The following NUP153 variants were observed in gnomAD, a reference collection of about 807,000 sequenced individuals.
NUP153 encodes the protein nuclear pore complex protein Nup153.
Under a neutral mutation model 134.6 loss-of-function variants are expected in NUP153, and 27 were observed. The observed-to-expected ratio is 0.20, with a 90% CI of 0.15 to 0.28. The LOEUF is 0.28. Among genes scored for constraint, NUP153 ranks in the 10% least tolerant of loss-of-function variants. The pLI is 1.00. For missense variants in NUP153, 1,821 were observed against 1,731.3 expected (o/e 1.05, Z -0.92); for synonymous variants, 640 against 623.5 (o/e 1.03, Z -0.40).
At chr6:17,670,997 G>T (rs2113829055) in intron 5 of NUP153, among the ~76,000 whole-genome samples, 1 of 152,086 alleles carries the variant, frequency 6.6e-6, no homozygotes, top group South Asian at 2.1e-4. Flanking sequence ...TTTTAGTAGA[G>T]ATAGGGTTTC....
intron 14 of NUP153, among the ~76,000 whole-genome samples, chr6:17,641,841 G>GCC (rs1765858801): frequency 1.9e-4 from 1 of 5,214 alleles, no homozygotes; most frequent in Non-Finnish European, 4.0e-3. Flanking sequence ...GACAGAGCGA[G>GCC]ACTGTCTCAG....
At position 17,675,834 on chromosome 6, in the gene NUP153, TTTTAC is replaced by T; in HGVS notation, c.335-69_335-65del. On this transcript the variant is annotated intron_variant, in intron 2 of 21. Coordinates refer to ENST00000262077, the MANE Select transcript of NUP153 (RefSeq NM_005124.4). This position sits in a 1 kb window ranked among gnomAD's most constrained non-coding sequence, Gnocchi z 4.4. ...AGAGCGATACACTACCACAAATGGTTTTTACTTTAAGAAAACACATTACAGTATAT... is the reference window on the plus strand; with the variant it reads ...AGAGCGATACACTACCACAAATGGTTTTTAAGAAAACACATTACAGTATAT... 6.6e-7 allele frequency: 1 copy of T among 1,512,462 alleles called. No homozygotes were observed. Among genetic ancestry groups the T allele is most frequent in the African/African-American group, 1.4e-5 (1 of 72,724 alleles). The allele number at this position is 1,512,462 out of a possible 1,614,324, so 93.7% of individuals were successfully genotyped here.
chr6:17,705,781 G>GT (rs1199762959), intron 1 of NUP153, among the ~76,000 whole-genome samples: 3 of 152,068 alleles, frequency 2.0e-5, no homozygotes, highest in Non-Finnish European at 4.4e-5. Flanking sequence ...CACTTTCCAT[G>GT]TAACAGCGCC....
intron 14 of NUP153, among the ~76,000 whole-genome samples, chr6:17,642,593 T>G (rs1048100369): frequency 3.3e-5 from 5 of 152,246 alleles, no homozygotes; most frequent in Admixed American, 6.5e-5. Context: ...AATGGTAATG[T>G]GACATGGTTC....
intron 11 of NUP153, among the ~76,000 whole-genome samples, chr6:17,661,318 AAAG>A (rs1337777915): frequency 7.9e-5 from 12 of 152,356 alleles, no homozygotes; most frequent in South Asian, 2.1e-4. Context: ...TATCTTAAAA[AAAG>A]AAGAATACGT....
chr6:17,642,410 G>A (rs1035202748), intron 14 of NUP153, among the ~76,000 whole-genome samples: 3 of 152,076 alleles, frequency 2.0e-5, no homozygotes, highest in Non-Finnish European at 2.9e-5. Flanking sequence ...GGACGTGAAA[G>A]GCATTCCTCC....
chr6:17,622,449 G>C (rs1327022269), intron 20 of NUP153, among the ~76,000 whole-genome samples: 1 of 152,112 alleles, frequency 6.6e-6, no homozygotes, highest in Non-Finnish European at 1.5e-5. Flanking sequence ...TGTGCGGCAA[G>C]GTGAGACCCT....
chr6:17,633,033 CCT>C (rs1484469728), intron 16 of NUP153, among the ~76,000 whole-genome samples, 189 bp from the exon 17 acceptor site: 3 of 152,138 alleles, frequency 2.0e-5, no homozygotes, highest in South Asian at 4.1e-4. Flanking sequence ...AAAGAATAGA[CCT>C]CTCTTTTAAC....
intron 20 of NUP153, 111 bp from the exon 21 acceptor site, chr6:17,616,806 G>C: frequency 9.7e-7 from 1 of 1,028,074 alleles, no homozygotes; most frequent in East Asian, 2.5e-5. Flanking sequence ...CTGGAGTACA[G>C]TGGCACAATC....
In NUP153 at chr6:17,625,102, A is replaced by G. The variant is rs1416189560; in HGVS notation, c.3902-269T>C. Among the ~76,000 whole-genome samples, 4 of 152,224 alleles carry G rather than the reference A, an allele frequency of 2.6e-5. No homozygotes were observed. The highest frequency in any genetic ancestry group is 4.4e-5 in the Non-Finnish European group (3 of 68,028). On this transcript the variant is annotated intron_variant, in intron 19 of 21. Transcript: ENST00000262077. This position sits in a 1 kb window ranked among gnomAD's most constrained non-coding sequence, Gnocchi z 4.7. Reference sequence around the variant, plus strand: ...AGCCGACAATTTCTGGTAAAGGAACATATCTCAGAATAATCTCCCACCAGA... The same window carrying G: ...AGCCGACAATTTCTGGTAAAGGAACGTATCTCAGAATAATCTCCCACCAGA...
At chr6:17,703,253 T>C (rs1353822281) in intron 1 of NUP153, among the ~76,000 whole-genome samples, 3 of 150,260 alleles carry the variant, frequency 2.0e-5, no homozygotes, top group Admixed American at 1.3e-4. Context: ...AGTAGTAAAC[T>C]TACAGCATTT....
At chr6:17,632,867 G>C (rs1031766563) in intron 16 of NUP153, 23 bp from the exon 17 acceptor site, 5 of 1,197,306 alleles carry the variant, frequency 4.2e-6, no homozygotes, top group Non-Finnish European at 5.9e-6. Flanking sequence ...AAAAAAACGG[G>C]GAGTGGGGGG....
chr6:17,624,781 T>C lies in NUP153; in HGVS notation c.3954A>G (p.Ala1318=). The C allele has an allele frequency of 1.9e-6, 3 of 1,614,100 alleles. No individual in the cohort carries two copies. Among genetic ancestry groups the C allele is most frequent in the Non-Finnish European group, 2.5e-6 (3 of 1,179,980 alleles). The change falls in exon 20 of 22, where the codon GCA becomes GCG. Residue 1318 remains alanine (A), a synonymous_variant. Coordinates refer to ENST00000262077, the MANE Select transcript of NUP153 (RefSeq NM_005124.4). ...ATGTTGGGGTCTGGTTAGCACCAAA[T>C]GCTGGACTGGCAGATGGTGCTGAGG... ...TGPSAPSASP[A]FGANQTPTFG... is the part of the protein sequence containing the mutation.
chr6:17,678,968 T>G (rs540129547), intron 2 of NUP153, among the ~76,000 whole-genome samples: 3 of 146,892 alleles, frequency 2.0e-5, no homozygotes, highest in Non-Finnish European at 4.5e-5. Context: ...AAAAAATAAG[T>G]CTTAACAAAT....
chr6:17,682,362 G>A (rs1768638024), intron 2 of NUP153, among the ~76,000 whole-genome samples: 1 of 152,190 alleles, frequency 6.6e-6, no homozygotes, highest in Non-Finnish European at 1.5e-5. Flanking sequence ...GTGATGAGTA[G>A]TGAAGGCTGG....
chr6:17,657,188 C>T (rs1251102075), intron 11 of NUP153, among the ~76,000 whole-genome samples: 1 of 151,954 alleles, frequency 6.6e-6, no homozygotes, highest in Non-Finnish European at 1.5e-5. Flanking sequence ...TGTGACTTTG[C>T]TGTACTGAAC....
Position 17,632,850 on chromosome 6 carries a change from A to AAAAAAG in NUP153, c.2465-7_2465-6insCTTTTT. ...TGAAGCAGGTACTGAACTTCCTAAAAAAAAAAAAAAAAACGGGGAGTGGGG... is the reference window on the plus strand; with the variant it reads ...TGAAGCAGGTACTGAACTTCCTAAAAAAAAAGAAAAAAAAAAAAACGGGGAGTGGGG... On this transcript the variant is annotated splice_polypyrimidine_tract_variant and splice_region_variant and intron_variant, in intron 16 of 21. Transcript: ENST00000262077. The AAAAAAG allele has an allele frequency of 6.5e-7, 1 of 1,527,184 alleles. No homozygotes were observed. Among genetic ancestry groups the AAAAAAG allele is most frequent in the Non-Finnish European group, 8.7e-7 (1 of 1,143,480 alleles). 94.6% of individuals were successfully genotyped at this position (1,527,184 alleles called of 1,614,324 possible). A position where few individuals can be genotyped will look rare whatever the true frequency, so the allele number is the denominator to read the frequency against.
At chr6:17,658,344 T>C (rs1245788682) in intron 11 of NUP153, among the ~76,000 whole-genome samples, 1 of 152,192 alleles carries the variant, frequency 6.6e-6, no homozygotes, top group African/African-American at 2.4e-5. Context: ...TGCAGTGAGC[T>C]GAGATCATGC....
At chr6:17,673,880 T>C (rs936959035) in intron 5 of NUP153, among the ~76,000 whole-genome samples, 2 of 152,208 alleles carry the variant, frequency 1.3e-5, no homozygotes, top group Non-Finnish European at 2.9e-5. Context: ...GAGATGAAAA[T>C]GAATGCTCAC....
Sources: gnomAD v4.1 joint callset for allele counts (sites outside exome capture counted in the v4.1 genomes callset) on GRCh38, gnomAD v4.1.1 for gene constraint, Gnocchi (gnomAD v3.1) non-coding constraint, MANE v1.5 for transcripts, NCBI Gene and HGNC (gene_info 2026-07-23, HGNC 2026-07-21) for gene names.